RASGRP3: variants seen among roughly 807,000 people sequenced by gnomAD.
RASGRP3 encodes the protein RAS guanyl releasing protein 3.
RASGRP3 carries 54 observed loss-of-function variants against 82.7 expected under a neutral mutation model. That is an observed-to-expected ratio of 0.65 (90% confidence interval 0.52 to 0.82). The LOEUF (loss-of-function observed/expected upper bound fraction) is 0.82. Ranked by LOEUF, RASGRP3 falls within the 40% of genes least tolerant of loss-of-function variation. RASGRP3 has a pLI of 0.00. For missense variants in RASGRP3, 861 were observed against 828.9 expected, an observed-to-expected ratio of 1.04 and a Z score of -0.48; for synonymous variants, 309 against 300.5, an observed-to-expected ratio of 1.03 and a Z score of -0.29.
At chr2:33,549,430 G>A (rs1463895678) in intron 13 of RASGRP3, among the ~76,000 whole-genome samples, 174 bp from the exon 14 acceptor site, 1 of 152,148 alleles carries the variant, frequency 6.6e-6, no homozygotes, top group East Asian at 1.9e-4. Flanking sequence ...AAAAGGCTTT[G>A]AACACCTGAA....
At position 33,563,833 on chromosome 2, in the gene RASGRP3, A is replaced by G. The variant is rs1676957780; in HGVS notation, c.*1096A>G. Reference sequence around the variant, plus strand: ...TTTCATTTAAGCTTTTAAAATATCAATTTTTTAAATAGCTCCCATTTACCC... The same window carrying G: ...TTTCATTTAAGCTTTTAAAATATCAGTTTTTTAAATAGCTCCCATTTACCC... On this transcript the variant is annotated 3_prime_UTR_variant, in exon 18 of 18. Transcript: ENST00000403687. 1 of 152,172 alleles carries G rather than the reference A, an allele frequency of 6.6e-6. No homozygotes were observed. Among genetic ancestry groups the G allele is most frequent in the Non-Finnish European group, 1.5e-5 (1 of 68,032 alleles). The allele number at this position is 152,172 out of a possible 1,614,324, so 9.4% of individuals were successfully genotyped here. A position where few individuals can be genotyped will look rare whatever the true frequency, so the allele number is the denominator to read the frequency against.
rs1327450456 is a variant in RASGRP3, at chr2:33,527,344, G to C, written c.1015G>C (p.Glu339Gln). ...GCACCAGCTCTCCGTTACCCTGAGTGAACTAGTCTCCCTGCAGAATGCCTC... is the reference window on the plus strand; with the variant it reads ...GCACCAGCTCTCCGTTACCCTGAGTCAACTAGTCTCCCTGCAGAATGCCTC... Reference protein sequence around the residue: ...KMHQLSVTLSELVSLQNASHH... With the variant: ...KMHQLSVTLSQLVSLQNASHH... The change falls in exon 10 of 18, where the codon GAA becomes CAA. Residue 339 changes from glutamate to glutamine, a missense_variant. Glu to Gln is a conservative substitution (Grantham distance 29). Coordinates refer to ENST00000403687, the MANE Select transcript of RASGRP3 (RefSeq NM_001139488.2). The C allele has an allele frequency of 6.2e-7, 1 of 1,613,866 alleles. No homozygotes were observed. Among genetic ancestry groups the C allele is most frequent in the Non-Finnish European group, 8.5e-7 (1 of 1,179,794 alleles).
chr2:33,495,837 T>C (rs1421855882), intron 1 of RASGRP3, among the ~76,000 whole-genome samples: 1 of 152,200 alleles, frequency 6.6e-6, no homozygotes, highest in East Asian at 1.9e-4. Context: ...AATGGTAATG[T>C]CACTTGGTCT....
chr2:33,487,771 G>A (rs1297294510), intron 1 of RASGRP3, among the ~76,000 whole-genome samples: 3 of 152,154 alleles, frequency 2.0e-5, no homozygotes, highest in Non-Finnish European at 2.9e-5. Context: ...TTGAGACTCA[G>A]AGCATTTGGA....
intron 10 of RASGRP3, chr2:33,533,515 G>T (rs1673303555): frequency 6.6e-6 from 1 of 152,188 alleles, no homozygotes; most frequent in Admixed American, 6.5e-5. Flanking sequence ...TACTTTACAT[G>T]CATTATTTCA....
intron 5 of RASGRP3, among the ~76,000 whole-genome samples, chr2:33,520,251 T>C (rs1364355499): frequency 2.0e-5 from 3 of 151,870 alleles, no homozygotes; most frequent in Admixed American, 2.0e-4. Context: ...TTAGAAAGGG[T>C]GGATTTATTT....
At chr2:33,520,053 G>A (rs368067717) in intron 5 of RASGRP3, 39 bp downstream of exon 5, 13 of 1,492,224 alleles carry the variant, frequency 8.7e-6, no homozygotes, top group Non-Finnish European at 1.2e-5. Context: ...GTAGTTTCTG[G>A]TTCTGGAATC....
rs1283511125 is a variant in RASGRP3 at position 33,558,672 on chromosome 2, C to G, written c.1706C>G (p.Ala569Gly). 1.9e-6 allele frequency: 3 copies of G among 1,587,208 alleles called. No homozygotes were observed. In the African/African-American group the frequency reaches 4.1e-5, roughly 22 times the overall value. The change falls in exon 17 of 18, where the codon GCG becomes GGG. Residue 569 changes from alanine to glycine, a missense_variant and splice_region_variant. Physicochemically the swap from Ala to Gly is moderately conservative, Grantham distance 60 (BLOSUM62 0). Coordinates refer to ENST00000403687, the MANE Select transcript of RASGRP3 (RefSeq NM_001139488.2). ...AATCACCACCCTTTTTCACTTCCAG[C>G]GCAGGATGAGGTGTTTGAGTTCCCT... ...SLPGSPSLPP[A>G]QDEVFEFPGV...
At chr2:33,537,322 C>A (rs868201896) in intron 11 of RASGRP3, among the ~76,000 whole-genome samples, 296 of 21,580 alleles carry the variant, frequency 0.014, 10 homozygotes, top group African/African-American at 0.029. Flanking sequence ...ACACACACAC[C>A]GCCCCCCCCA....
At chr2:33,543,753 G>T in intron 13 of RASGRP3, 126 bp downstream of exon 13, 1 of 654,118 alleles carries the variant, frequency 1.5e-6, no homozygotes, top group East Asian at 2.7e-5. Flanking sequence ...GATGAGCCAG[G>T]TTTAATTTGT....
At chr2:33,455,273 G>T (rs1359357691) in intron 2 of RASGRP3, among the ~76,000 whole-genome samples, 1 of 152,148 alleles carries the variant, frequency 6.6e-6, no homozygotes, top group African/African-American at 2.4e-5. Flanking sequence ...AACAAATATT[G>T]CCATTCTCAT....
chr2:33,496,853 T>C (rs967476334), intron 1 of RASGRP3, among the ~76,000 whole-genome samples: 2 of 152,164 alleles, frequency 1.3e-5, no homozygotes, highest in African/African-American at 4.8e-5. Flanking sequence ...TGAGAACTTA[T>C]CTTAAAAAGA....
intron 13 of RASGRP3, among the ~76,000 whole-genome samples, chr2:33,546,627 T>A (rs980892893): frequency 3.9e-5 from 6 of 152,012 alleles, no homozygotes; most frequent in Non-Finnish European, 8.8e-5. Context: ...TAGAAATCAT[T>A]CTACAGTAAA....
chr2:33,472,842 A>G (rs545447080), upstream of RASGRP3, among the ~76,000 whole-genome samples: 1 of 138,982 alleles, frequency 7.2e-6, no homozygotes, highest in East Asian at 2.2e-4. Flanking sequence ...TAATCCCAGC[A>G]CTTTGGTGAC....
rs891341641 is a variant in RASGRP3 at position 33,459,376 on chromosome 2, C to T, written c.-261+11433C>T. Among the ~76,000 whole-genome samples, 6 of 152,176 alleles carry T rather than the reference C, an allele frequency of 3.9e-5. No homozygotes were observed. In the South Asian group the frequency reaches 6.2e-4, roughly 16 times the overall value. ...GTCTCGATCTCCTGACTTCATGATC[C>T]GCCTGCCTCAGCCTCCCAAAGTGCT... On this transcript the variant is annotated intron_variant, in intron 2 of 18. Transcript: ENST00000402538.
chr2:33,547,615 G>A (rs757257543), intron 13 of RASGRP3, among the ~76,000 whole-genome samples: 1 of 152,042 alleles, frequency 6.6e-6, no homozygotes, highest in Non-Finnish European at 1.5e-5. Flanking sequence ...TGTCAAAGAT[G>A]CAGTGCAAAA....
intron 13 of RASGRP3, among the ~76,000 whole-genome samples, chr2:33,545,986 T>G (rs1674699621): frequency 6.6e-6 from 1 of 151,998 alleles, no homozygotes; most frequent in Non-Finnish European, 1.5e-5. Context: ...TTTCTTTTTT[T>G]TTCAGTAGAA....
chr2:33,450,822 CTTTTTTTTTTTTTTTTTTTT>C (rs1170217165), intron 2 of RASGRP3, among the ~76,000 whole-genome samples: 1 of 18,964 alleles, frequency 5.3e-5, no homozygotes, highest in African/African-American at 1.5e-4. Context: ...TTCTTTCTTT[CTTTTTTTTTTTTTTTTTTTT>C]TTTTTTTTTT....
rs1676853346 is a variant in RASGRP3 at position 33,562,968 on chromosome 2, C to CAAAG, written c.*233_*236dup. On this transcript the variant is annotated 3_prime_UTR_variant, in exon 18 of 18. Transcript: ENST00000403687. ...CTCCCCTACCCCTAGTTAAGTGCCA[C>CAAAG]AAAGACTGTGTTATGTAGTCAGTAC... The CAAAG allele has an allele frequency of 5.1e-6, 3 of 592,234 alleles. No individual in the cohort carries two copies. The highest frequency in any genetic ancestry group is 8.8e-6 in the Non-Finnish European group (3 of 339,832). The allele number at this position is 592,234 out of a possible 1,614,324, so 36.7% of individuals were successfully genotyped here.
Sources: gnomAD v4.1 joint callset for allele counts (sites outside exome capture counted in the v4.1 genomes callset) on GRCh38, gnomAD v4.1.1 for gene constraint, MANE v1.5 for transcripts, NCBI Gene and HGNC (gene_info 2026-07-23, HGNC 2026-07-21) for gene names.